The following OTC variants were observed in gnomAD, a reference collection of about 807,000 sequenced individuals.
OTC encodes ornithine transcarbamylase, mitochondrial.
A neutral mutation model predicts 30.3 loss-of-function variants in OTC; 3 were observed. The observed-to-expected ratio is 0.10, with a 90% CI of 0.05 to 0.26. The LOEUF is 0.26. Among genes scored for constraint, OTC ranks in the 10% least tolerant of loss-of-function variants. The pLI, the probability that OTC is intolerant of heterozygous loss-of-function variation, is 1.00. For synonymous variants in OTC, 111 were observed against 99.7 expected (o/e 1.11, Z -0.67); for missense variants, 194 against 260.3 (o/e 0.75, Z 1.75).
At chrX:38,417,887 T>C (rs1183569593) in intron 9 of OTC, among the ~76,000 whole-genome samples, 3 of 112,005 alleles carry the variant, frequency 2.7e-5, no homozygotes, top group Non-Finnish European at 3.8e-5. Flanking sequence ...CATTCATCCA[T>C]TGATGGACAC....
intron 9 of OTC, among the ~76,000 whole-genome samples, chrX:38,418,702 G>A (rs1035102347): frequency 2.8e-4 from 31 of 111,705 alleles, no homozygotes; most frequent in African/African-American, 9.5e-4. Context: ...TTATGGTACT[G>A]AATAAGTCTC....
the OTC span, among the ~76,000 whole-genome samples, chrX:38,331,643 C>T: frequency 8.3e-5 from 9 of 108,053 alleles, no homozygotes; most frequent in African/African-American, 1.7e-4. Flanking sequence ...AGTGCAGTGG[C>T]GCAATCTCAG....
chrX:38,389,492 A>C (rs1232781866), intron 4 of OTC, among the ~76,000 whole-genome samples: 3 of 111,888 alleles, frequency 2.7e-5, no homozygotes, highest in African/African-American at 9.7e-5. Flanking sequence ...TTTTGGTAAA[A>C]TGTTTTAAAA....
intron 4 of OTC, among the ~76,000 whole-genome samples, chrX:38,385,732 A>T (rs966782992): frequency 4.5e-5 from 5 of 112,167 alleles, no homozygotes; most frequent in African/African-American, 1.6e-4. Context: ...AGGAAAGATA[A>T]AATCAGAACA....
intron 3 of OTC, among the ~76,000 whole-genome samples, chrX:38,381,018 T>C (rs2068373458): frequency 8.9e-6 from 1 of 112,548 alleles, no homozygotes; most frequent in Non-Finnish European, 1.9e-5. Context: ...TATGAGCCAC[T>C]GCACACAGCC....
At chrX:38,397,501 C>T (rs908067931) in intron 4 of OTC, among the ~76,000 whole-genome samples, 2 of 111,986 alleles carry the variant, frequency 1.8e-5, no homozygotes, top group Non-Finnish European at 3.8e-5. Flanking sequence ...AAAATCTGGT[C>T]ACTAGGGATG....
At chrX:38,385,266 T>C (rs2068396799) in intron 4 of OTC, among the ~76,000 whole-genome samples, 1 of 111,961 alleles carries the variant, frequency 8.9e-6, no homozygotes. Context: ...CGGGACTCTG[T>C]CTCAAATAAA....
At chrX:38,408,219 T>A (rs750913788) in intron 6 of OTC, among the ~76,000 whole-genome samples, 12 of 111,875 alleles carry the variant, frequency 1.1e-4, no homozygotes, top group Non-Finnish European at 1.7e-4. Flanking sequence ...TGCTGGGGAA[T>A]GCAAAAGAAT....
chrX:38,331,508 T>G, the OTC span, among the ~76,000 whole-genome samples: 3 of 102,733 alleles, frequency 2.9e-5, no homozygotes, highest in Non-Finnish European at 4.0e-5. Context: ...GGTCTAGAAC[T>G]CCCGACCTCA....
intron 9 of OTC, among the ~76,000 whole-genome samples, chrX:38,418,274 G>A (rs149157568): frequency 1.5e-3 from 167 of 111,677 alleles, no homozygotes; most frequent in African/African-American, 5.3e-3. Context: ...TTGATGATTT[G>A]TATGTCTTCT....
chrX:38,387,297 A>G (rs1406348611), intron 4 of OTC, among the ~76,000 whole-genome samples: 1 of 111,563 alleles, frequency 9.0e-6, no homozygotes, highest in Non-Finnish European at 1.9e-5. Flanking sequence ...AGCTTTTTAG[A>G]TCTCATTTGA....
chrX:38,406,977 C>T (rs1010206370), intron 6 of OTC, among the ~76,000 whole-genome samples: 4 of 112,585 alleles, frequency 3.6e-5, no homozygotes, highest in African/African-American at 9.7e-5. Context: ...ACATGCCTGT[C>T]ACAGGTTGGG....
At chrX:38,389,331 A>T (rs1188153000) in intron 4 of OTC, among the ~76,000 whole-genome samples, 2 of 110,715 alleles carry the variant, frequency 1.8e-5, no homozygotes, top group African/African-American at 6.6e-5. Flanking sequence ...AATGAAAGTT[A>T]TAGAGGGATT....
chrX:38,401,517 T>A (rs2068488021), intron 5 of OTC, 89 bp downstream of exon 5: 2 of 735,197 alleles, frequency 2.7e-6, no homozygotes, highest in Non-Finnish European at 4.2e-6. Flanking sequence ...ATCATGGTAT[T>A]GGTGTTTTAT....
Sources: gnomAD v4.1 joint callset for allele counts (sites outside exome capture counted in the v4.1 genomes callset) on GRCh38, gnomAD v4.1.1 for gene constraint, MANE v1.5 for transcripts, NCBI Gene and HGNC (gene_info 2026-07-23, HGNC 2026-07-21) for gene names.